The following EIF3H variants were observed in gnomAD, a reference collection of about 807,000 sequenced individuals.
The protein encoded by EIF3H is eukaryotic translation initiation factor 3 subunit H.
In EIF3H, 26 loss-of-function variants were observed where a neutral mutation model predicts 44.2. That is an observed-to-expected ratio of 0.59 (90% CI 0.43 to 0.82). The LOEUF (loss-of-function observed/expected upper bound fraction) is 0.82. EIF3H is among the 40% of genes least tolerant of loss of function. EIF3H has a pLI of 0.00. For synonymous variants in EIF3H, 166 were observed against 151.9 expected (o/e 1.09, Z -0.68); for missense variants, 359 against 432.8 (o/e 0.83, Z 1.51).
At chr8:116,765,391 A>G (rs1815561174) in intron 1 of EIF3H, 1 of 152,200 alleles carries the variant, frequency 6.6e-6, no homozygotes, top group Non-Finnish European at 1.5e-5. Flanking sequence ...AATGCATTCA[A>G]TCACGTTGTA....
chr8:116,760,864 G>GT (rs1033492092), intron 1 of EIF3H, among the ~76,000 whole-genome samples: 5 of 152,030 alleles, frequency 3.3e-5, no homozygotes, highest in Non-Finnish European at 7.4e-5. Context: ...TATAAATAGT[G>GT]TTTTTTAGAA....
At chr8:116,696,189 G>A (rs1200474318) in intron 2 of EIF3H, among the ~76,000 whole-genome samples, 5 of 152,138 alleles carry the variant, frequency 3.3e-5, no homozygotes, top group African/African-American at 1.2e-4. Flanking sequence ...GACAGGGAAG[G>A]TACAAAATGA....
chr8:116,699,480 T>A (rs1173732469), intron 2 of EIF3H, among the ~76,000 whole-genome samples: 2 of 152,066 alleles, frequency 1.3e-5, no homozygotes, highest in Admixed American at 6.5e-5. Context: ...TTCTCACTTG[T>A]AAGTGGGAGC....
chr8:116,675,961 T>C (rs903721790), intron 2 of EIF3H, among the ~76,000 whole-genome samples: 2 of 152,140 alleles, frequency 1.3e-5, no homozygotes, highest in Non-Finnish European at 1.5e-5. Flanking sequence ...CAATGCCTTA[T>C]CCTCCAAAAA....
chr8:116,706,135 T>C (rs766268100), intron 2 of EIF3H, among the ~76,000 whole-genome samples: 2 of 152,202 alleles, frequency 1.3e-5, no homozygotes, highest in East Asian at 1.9e-4. Context: ...TATAAAGACA[T>C]TGATGACAGC....
intron 1 of EIF3H, among the ~76,000 whole-genome samples, chr8:116,726,591 C>T (rs990580862): frequency 6.6e-6 from 1 of 152,320 alleles, no homozygotes; most frequent in African/African-American, 2.4e-5. Flanking sequence ...ATTATCGGGA[C>T]ACCTGAAAGC....
chr8:116,653,069 T>G (rs778147892), intron 5 of EIF3H, among the ~76,000 whole-genome samples: 5 of 151,792 alleles, frequency 3.3e-5, no homozygotes, highest in Admixed American at 3.3e-4. Context: ...GCAGTGACAG[T>G]AGGGAAAAAA....
intron 1 of EIF3H, among the ~76,000 whole-genome samples, chr8:116,730,570 T>A (rs931584791): frequency 1.3e-5 from 2 of 152,186 alleles, no homozygotes; most frequent in Admixed American, 1.3e-4. Flanking sequence ...CTAAATGACA[T>A]ACATACTTCT....
At chr8:116,733,243 G>A (rs1219992936) in intron 1 of EIF3H, among the ~76,000 whole-genome samples, 1 of 152,210 alleles carries the variant, frequency 6.6e-6, no homozygotes, top group Non-Finnish European at 1.5e-5. Context: ...GAGCTTCTCT[G>A]GGCCTGCATC....
intron 5 of EIF3H, among the ~76,000 whole-genome samples, chr8:116,653,930 A>G (rs1813440945): frequency 6.6e-6 from 1 of 152,262 alleles, no homozygotes; most frequent in Non-Finnish European, 1.5e-5. Flanking sequence ...GGAAAGACCA[A>G]GTTTAAGCAC....
At chr8:116,653,033 G>A (rs550701367) in intron 5 of EIF3H, among the ~76,000 whole-genome samples, 3 of 152,276 alleles carry the variant, frequency 2.0e-5, no homozygotes, top group South Asian at 2.1e-4. Context: ...CATCACCAAT[G>A]CTGTGGCTGG....
chr8:116,730,364 A>G (rs1814931205), intron 1 of EIF3H, among the ~76,000 whole-genome samples: 1 of 152,190 alleles, frequency 6.6e-6, no homozygotes, highest in Non-Finnish European at 1.5e-5. Context: ...CAAGGGAGCT[A>G]GGTTGCATGC....
intron 1 of EIF3H, among the ~76,000 whole-genome samples, chr8:116,732,458 T>C (rs547489415): frequency 1.3e-5 from 2 of 152,286 alleles, no homozygotes; most frequent in East Asian, 3.9e-4. Flanking sequence ...GACCTCCCTA[T>C]CAAAATCATA....
chr8:116,749,482 T>C (rs1815292644), intron 1 of EIF3H, among the ~76,000 whole-genome samples: 1 of 152,200 alleles, frequency 6.6e-6, no homozygotes, highest in Non-Finnish European at 1.5e-5. Context: ...ATACTTTGAA[T>C]AGCAAGGTCT....
intron 2 of EIF3H, among the ~76,000 whole-genome samples, chr8:116,676,743 C>T (rs933674165): frequency 1.3e-5 from 2 of 152,166 alleles, no homozygotes; most frequent in African/African-American, 4.8e-5. Context: ...GGCTTAGAAG[C>T]CCCTTCTTTC....
At chr8:116,645,298 G>A (rs535393464) in intron 7 of EIF3H, among the ~76,000 whole-genome samples, 195 bp from the exon 8 acceptor site, 4 of 152,260 alleles carry the variant, frequency 2.6e-5, no homozygotes, top group African/African-American at 9.6e-5. Flanking sequence ...TCAATTACAT[G>A]GAGAATAAAG....
intron 1 of EIF3H, among the ~76,000 whole-genome samples, chr8:116,740,907 A>ACAGTAC (rs1174452242): frequency 6.6e-6 from 1 of 152,094 alleles, no homozygotes; most frequent in East Asian, 1.9e-4. Context: ...TCCTATAAAG[A>ACAGTAC]CAGTACCAAT....
chr8:116,744,383 T>C (rs1815196692), intron 1 of EIF3H, among the ~76,000 whole-genome samples: 1 of 152,196 alleles, frequency 6.6e-6, no homozygotes, highest in African/African-American at 2.4e-5. Context: ...TATATATATT[T>C]TGACTAAGTT....
intron 2 of EIF3H, among the ~76,000 whole-genome samples, chr8:116,701,856 A>G (rs1205979647): frequency 6.6e-6 from 1 of 152,230 alleles, no homozygotes; most frequent in Non-Finnish European, 1.5e-5. Flanking sequence ...TCAACAGAAA[A>G]AGAACATGAG....
Sources: gnomAD v4.1 joint callset for allele counts (sites outside exome capture counted in the v4.1 genomes callset) on GRCh38, gnomAD v4.1.1 for gene constraint, MANE v1.5 for transcripts, NCBI Gene and HGNC (gene_info 2026-07-23, HGNC 2026-07-21) for gene names.